Variants in TOX observed in about 807,000 individuals in gnomAD.
The protein encoded by TOX is thymocyte selection associated high mobility group box.
A neutral mutation model predicts 53.7 loss-of-function variants in TOX; 11 were observed. That is an observed-to-expected ratio of 0.20 (90% CI 0.13 to 0.34). The LOEUF is 0.34. TOX is among the 10% of genes least tolerant of loss of function. The probability of loss-of-function intolerance (pLI) is 1.00; values close to 1 mark genes in which losing one functional copy is unlikely to be tolerated. For missense variants in TOX, 570 were observed against 664.6 expected (o/e 0.86, Z 1.56); for synonymous variants, 225 against 245.3 (o/e 0.92, Z 0.77).
chr8:58,839,738 T>A (rs1810612396), intron 4 of TOX, among the ~76,000 whole-genome samples: 1 of 152,348 alleles, frequency 6.6e-6, no homozygotes, highest in East Asian at 1.9e-4. Flanking sequence ...GTGGTTGTAG[T>A]TGCCTTCTCT....
At chr8:58,824,733 T>G (rs151041078) in intron 6 of TOX, among the ~76,000 whole-genome samples, 1 of 152,376 alleles carries the variant, frequency 6.6e-6, no homozygotes, top group East Asian at 1.9e-4. Flanking sequence ...CACTAACGAT[T>G]TCCCTTGACG....
At chr8:58,831,172 C>T (rs1810447276) in intron 5 of TOX, among the ~76,000 whole-genome samples, 1 of 152,102 alleles carries the variant, frequency 6.6e-6, no homozygotes. Flanking sequence ...TCAGCAACAC[C>T]GGTTTGACCT....
intron 1 of TOX, among the ~76,000 whole-genome samples, chr8:59,060,469 T>C (rs1464386252): frequency 6.6e-6 from 1 of 152,134 alleles, no homozygotes. Flanking sequence ...CTACTAAAAA[T>C]ACAAAACATT....
At chr8:58,933,761 C>A (rs187298830) in intron 3 of TOX, among the ~76,000 whole-genome samples, 1 of 152,118 alleles carries the variant, frequency 6.6e-6, no homozygotes, top group African/African-American at 2.4e-5. Context: ...GGCTTTCCAT[C>A]TTCTTGGGGG....
At chr8:58,875,327 CTT>C in intron 3 of TOX, among the ~76,000 whole-genome samples, 1 of 152,060 alleles carries the variant, frequency 6.6e-6, no homozygotes, top group Admixed American at 6.6e-5. Flanking sequence ...CTTAGAAACT[CTT>C]TTTAAGTCAC....
Position 58,808,177 on chromosome 8 carries a change from C to G in TOX, c.1485G>C (p.Ser495=). The G allele has an allele frequency of 6.2e-7, 1 of 1,614,122 alleles. No homozygotes were observed. The change falls in exon 8 of 9, where the codon TCG becomes TCC. Residue 495 remains serine, a synonymous_variant. Transcript: ENST00000361421. ...GTTGTGGGGGAGGATTTCTGCACCC[C>G]GAACGCACATACTCCATTGCCTGGG... is the stretch of plus-strand genomic sequence containing the variant. ...VVTQAMEYVR[S]GCRNPPPQPV...
intron 1 of TOX, among the ~76,000 whole-genome samples, chr8:59,003,278 T>G (rs1294758487): frequency 6.6e-6 from 1 of 152,232 alleles, no homozygotes; most frequent in African/African-American, 2.4e-5. Flanking sequence ...ATTTAGTTAC[T>G]TATGTATGAG....
At chr8:59,047,274 T>C (rs1338930607) in intron 1 of TOX, among the ~76,000 whole-genome samples, 2 of 131,452 alleles carry the variant, frequency 1.5e-5, no homozygotes, top group African/African-American at 5.7e-5. Context: ...TGGAGTGCAG[T>C]GGCACGATCT....
chr8:58,841,844 T>C (rs1236298238), intron 4 of TOX, among the ~76,000 whole-genome samples: 1 of 152,180 alleles, frequency 6.6e-6, no homozygotes, highest in African/African-American at 2.4e-5. Flanking sequence ...TCATCAACGA[T>C]TGAGAGAAAT....
chr8:59,101,276 C>A (rs1339105884), intron 1 of TOX, among the ~76,000 whole-genome samples: 1 of 151,844 alleles, frequency 6.6e-6, no homozygotes, highest in Non-Finnish European at 1.5e-5. Context: ...GATTTTTTTT[C>A]TTTTTCTATC....
chr8:58,892,554 G>A (rs927498852), intron 3 of TOX, among the ~76,000 whole-genome samples: 10 of 152,104 alleles, frequency 6.6e-5, no homozygotes, highest in Admixed American at 2.0e-4. Flanking sequence ...ATGTGGCTTT[G>A]GGCTCCCTCA....
chr8:59,018,333 G>T (rs775947400), intron 1 of TOX, among the ~76,000 whole-genome samples: 3 of 152,144 alleles, frequency 2.0e-5, no homozygotes, highest in Non-Finnish European at 4.4e-5. Flanking sequence ...AACTGGGAAG[G>T]CTCTGGAGAA....
At chr8:58,815,307 C>T in intron 7 of TOX, 31 bp downstream of exon 7, 2 of 1,556,658 alleles carry the variant, frequency 1.3e-6, no homozygotes, top group Non-Finnish European at 1.7e-6. Flanking sequence ...AATAGGGGTG[C>T]ACACTCTAAG....
At chr8:58,899,937 T>C (rs1442073221) in intron 3 of TOX, among the ~76,000 whole-genome samples, 1 of 152,152 alleles carries the variant, frequency 6.6e-6, no homozygotes, top group Non-Finnish European at 1.5e-5. Context: ...TTTGCCTATT[T>C]TGATCTGTTT....
intron 1 of TOX, among the ~76,000 whole-genome samples, chr8:59,053,423 G>C (rs1803830281): frequency 6.6e-6 from 1 of 152,150 alleles, no homozygotes; most frequent in Admixed American, 6.6e-5. Flanking sequence ...ATCTCAGCAG[G>C]TTTGTCTCGA....
intron 1 of TOX, among the ~76,000 whole-genome samples, chr8:59,004,724 G>C (rs1813755039): frequency 1.3e-5 from 2 of 152,152 alleles, no homozygotes; most frequent in Admixed American, 6.5e-5. Context: ...AGGGGCAGCT[G>C]TAAAGACTAA....
intron 5 of TOX, among the ~76,000 whole-genome samples, chr8:58,830,862 G>T (rs948217946): frequency 6.6e-6 from 1 of 152,082 alleles, no homozygotes; most frequent in Non-Finnish European, 1.5e-5. Context: ...CCTTAGAAAT[G>T]CATAAGGATT....
At chr8:58,983,672 A>G (rs1413574161) in intron 1 of TOX, among the ~76,000 whole-genome samples, 1 of 152,196 alleles carries the variant, frequency 6.6e-6, no homozygotes, top group African/African-American at 2.4e-5. Flanking sequence ...TTTTGGTGAC[A>G]TTTTTCTCAG....
At chr8:59,095,234 A>T (rs950646554) in intron 1 of TOX, among the ~76,000 whole-genome samples, 9 of 151,586 alleles carry the variant, frequency 5.9e-5, no homozygotes, top group African/African-American at 2.2e-4. Context: ...TATTCGCTCT[A>T]AAAGAGTTGT....
Sources: allele counts gnomAD v4.1 joint callset (sites outside exome capture counted in the v4.1 genomes callset), GRCh38; gene constraint gnomAD v4.1.1; transcripts MANE v1.5; gene names NCBI Gene and HGNC (gene_info 2026-07-23, HGNC 2026-07-21).